The following VWA3B variants were observed in gnomAD, a reference collection of about 807,000 sequenced individuals.
VWA3B encodes von Willebrand factor A domain-containing protein 3B.
In VWA3B, 138 loss-of-function variants were observed where a neutral mutation model predicts 158.3. That is an observed-to-expected ratio of 0.87 (90% confidence interval 0.76 to 1.00). VWA3B has a LOEUF of 1.00. Ranked by LOEUF, VWA3B falls within the 50% of genes least tolerant of loss-of-function variation. VWA3B has a pLI of 0.00. For synonymous variants in VWA3B, 596 were observed against 587.3 expected (o/e 1.01, Z -0.21); for missense variants, 1,555 against 1,565.1 (o/e 0.99, Z 0.11).
At chr2:98,234,519 A>AC in intron 16 of VWA3B, 129 bp from the exon 17 acceptor site, 1 of 1,368,798 alleles carries the variant, frequency 7.3e-7, no homozygotes. Flanking sequence ...TTGTGGCAGC[A>AC]CCATCCTCAG....
intron 8 of VWA3B, among the ~76,000 whole-genome samples, chr2:98,169,259 TA>T (rs1049307858): frequency 1.3e-5 from 2 of 152,034 alleles, no homozygotes; most frequent in African/African-American, 4.8e-5. Flanking sequence ...AAAGACAAAA[TA>T]AAAACATTTT....
the VWA3B span, among the ~76,000 whole-genome samples, chr2:98,325,424 T>A: frequency 2.0e-5 from 3 of 152,168 alleles, no homozygotes; most frequent in African/African-American, 7.2e-5. Flanking sequence ...AAATTCCACA[T>A]CAAGTGAAAA....
At chr2:98,157,080 A>T (rs1396538077) in intron 7 of VWA3B, among the ~76,000 whole-genome samples, 2 of 152,198 alleles carry the variant, frequency 1.3e-5, no homozygotes, top group Non-Finnish European at 2.9e-5. Flanking sequence ...ATTAGACTGC[A>T]TTACATTTGC....
rs1221577235 is a variant in VWA3B at position 98,303,722 on chromosome 2, AC to A, written c.3442del (p.Ile1149LeufsTer15). ...NRREFCPRSALIKISQNKYAL... is the reference protein window; with the variant it reads ...NRREFCPRSAXIKISQNKYAL... ...TACAGGAATTTTGCCCTCGGAGTGC[AC>A]TTATTAAGATCAGCCAAAACAAGTA... On this transcript the variant is annotated frameshift_variant, in exon 26 of 28. Transcript: ENST00000477737. LOFTEE classifies it high-confidence loss of function. The A allele has an allele frequency of 6.2e-7, 1 of 1,614,072 alleles. No individual in the cohort carries two copies. The highest frequency in any genetic ancestry group is 1.3e-5 in the African/African-American group (1 of 74,926).
intron 1 of VWA3B, among the ~76,000 whole-genome samples, chr2:98,092,834 A>G (rs892561780): frequency 9.0e-5 from 11 of 121,940 alleles, no homozygotes; most frequent in South Asian, 5.2e-4. Context: ...ATATATATAT[A>G]TATATATATA....
chr2:98,317,798 T>C (rs1404889671), downstream of VWA3B, among the ~76,000 whole-genome samples: 1 of 152,206 alleles, frequency 6.6e-6, no homozygotes, highest in East Asian at 1.9e-4. Context: ...CCTCAGGATC[T>C]CCTGAGGGCT....
Position 98,275,449 on chromosome 2 carries a change from C to T in VWA3B, c.3045+4566C>T, listed in dbSNP as rs78978880. 6.2e-3 allele frequency among the ~76,000 whole-genome samples: 936 copies of T among 151,978 alleles called. 7 individuals are homozygous for T. The highest frequency in any genetic ancestry group is 0.022 in the African/African-American group (892 of 41,358). On this transcript the variant is annotated intron_variant, in intron 22 of 27. Transcript: ENST00000477737. ...GAGGAGAGAGTAGAAGGGACCAAGG[C>T]GGATGAGGCCCGGGGTAGAGAGCCA...
At chr2:98,189,299 C>T (rs549379794) in intron 10 of VWA3B, among the ~76,000 whole-genome samples, 50 of 152,198 alleles carry the variant, frequency 3.3e-4, no homozygotes, top group Admixed American at 2.9e-3. Flanking sequence ...CCCAGCCGTT[C>T]GGGAGGCTGA....
At chr2:98,239,669 C>G (rs1685944793) in intron 19 of VWA3B, among the ~76,000 whole-genome samples, 2 of 151,780 alleles carry the variant, frequency 1.3e-5, no homozygotes, top group South Asian at 4.1e-4. Flanking sequence ...AATTCCAGCA[C>G]TTCAGGAGGC....
At chr2:98,192,824 C>A in intron 10 of VWA3B, 74 bp from the exon 11 acceptor site, 2 of 1,599,350 alleles carry the variant, frequency 1.3e-6, no homozygotes, top group Non-Finnish European at 1.7e-6. Flanking sequence ...GCAGATGCAT[C>A]GTTAAGTTCT....
intron 20 of VWA3B, among the ~76,000 whole-genome samples, chr2:98,253,199 A>C (rs1686908473): frequency 6.6e-6 from 1 of 152,200 alleles, no homozygotes; most frequent in Non-Finnish European, 1.5e-5. Flanking sequence ...GAATATGAAA[A>C]GTAATTAATG....
chr2:98,198,269 A>T (rs1342509302), intron 12 of VWA3B, among the ~76,000 whole-genome samples: 2 of 152,148 alleles, frequency 1.3e-5, no homozygotes, highest in Non-Finnish European at 2.9e-5. Context: ...TTTCAACCCT[A>T]CTGTACATAT....
At chr2:98,290,733 C>T in intron 23 of VWA3B, 111 bp downstream of exon 23, 1 of 745,904 alleles carries the variant, frequency 1.3e-6, no homozygotes, top group Non-Finnish European at 2.2e-6. Context: ...ATGAGCTGGC[C>T]TGAGCTAGTC....
chr2:98,216,014 T>A (rs1322539461), intron 13 of VWA3B, among the ~76,000 whole-genome samples: 1 of 152,228 alleles, frequency 6.6e-6, no homozygotes, highest in African/African-American at 2.4e-5. Flanking sequence ...TTTCACTGGC[T>A]TTATAGGAAC....
At chr2:98,185,174 C>A (rs1251597430) in intron 9 of VWA3B, among the ~76,000 whole-genome samples, 3 of 152,216 alleles carry the variant, frequency 2.0e-5, no homozygotes, top group Non-Finnish European at 2.9e-5. Flanking sequence ...GACCAGCCCC[C>A]CTGTCTGACC....
Position 98,228,250 on chromosome 2 carries a change from G to C in VWA3B, c.2068G>C (p.Asp690His). 1 of 1,614,098 alleles carries C rather than the reference G, an allele frequency of 6.2e-7. No homozygotes were observed. Among genetic ancestry groups the C allele is most frequent in the Non-Finnish European group, 8.5e-7 (1 of 1,180,008 alleles). ...LVKEMEQGHSDLEKMQDLYSE... is the reference protein window; with the variant it reads ...LVKEMEQGHSHLEKMQDLYSE... Reference sequence around the variant, plus strand: ...TAAGGAAATGGAACAGGGTCACAGTGATCTGGAGAAGATGCAAGACCTTTA... The same window carrying C: ...TAAGGAAATGGAACAGGGTCACAGTCATCTGGAGAAGATGCAAGACCTTTA... The change falls in exon 15 of 28, where the codon GAT (aspartate) becomes CAT (histidine). Residue 690 changes from aspartate (D) to histidine (H), a missense_variant. Coordinates refer to ENST00000477737, the MANE Select transcript of VWA3B (RefSeq NM_144992.5).
At chr2:98,127,572 G>A (rs913420387) in intron 5 of VWA3B, among the ~76,000 whole-genome samples, 1 of 99,778 alleles carries the variant, frequency 1.0e-5, no homozygotes, top group Non-Finnish European at 2.1e-5. Context: ...GGTTTAAGCT[G>A]TGTGTGTGTG....
chr2:98,197,863 C>G (rs1389827387), intron 12 of VWA3B, among the ~76,000 whole-genome samples: 1 of 152,060 alleles, frequency 6.6e-6, no homozygotes. Context: ...TCCAAGGAAC[C>G]TTGGTTTCTT....
At chr2:98,249,295 A>AGCACAAC (rs750505860) in intron 19 of VWA3B, among the ~76,000 whole-genome samples, 8 of 152,194 alleles carry the variant, frequency 5.3e-5, no homozygotes, top group Non-Finnish European at 1.0e-4. Context: ...AGTAGTGAAT[A>AGCACAAC]GCACAACATT....
Sources: gnomAD v4.1 joint callset for allele counts (sites outside exome capture counted in the v4.1 genomes callset) on GRCh38, gnomAD v4.1.1 for gene constraint, MANE v1.5 for transcripts, NCBI Gene and HGNC (gene_info 2026-07-23, HGNC 2026-07-21) for gene names.